The following CDCP1 variants were observed in gnomAD, a reference collection of about 807,000 sequenced individuals.
CDCP1 encodes CUB domain containing protein 1.
In CDCP1, 29 loss-of-function variants were observed where a neutral mutation model predicts 60.2. The observed-to-expected ratio is 0.48, with a 90% CI of 0.36 to 0.66. The LOEUF (loss-of-function observed/expected upper bound fraction) is 0.66. Among genes scored for constraint, CDCP1 ranks in the 30% least tolerant of loss-of-function variants. The pLI is 0.00. For synonymous variants in CDCP1, 387 were observed against 431.1 expected (o/e 0.90, Z 1.27); for missense variants, 876 against 1,074.3 (o/e 0.82, Z 2.58).
intron 4 of CDCP1, among the ~76,000 whole-genome samples, chr3:45,109,696 A>T (rs1445307574): frequency 6.6e-6 from 1 of 151,688 alleles, no homozygotes; most frequent in African/African-American, 2.4e-5. Context: ...GGAGGTGCTC[A>T]CTCTCAGGGG....
chr3:45,102,732 C>T (rs1698500856), intron 4 of CDCP1, among the ~76,000 whole-genome samples: 1 of 152,046 alleles, frequency 6.6e-6, no homozygotes, highest in African/African-American at 2.4e-5. Flanking sequence ...GAGTTTATGG[C>T]TCACTGCAGC....
chr3:45,128,976 C>G (rs551341305), intron 1 of CDCP1, among the ~76,000 whole-genome samples: 63 of 152,346 alleles, frequency 4.1e-4, no homozygotes, highest in African/African-American at 1.4e-3. Context: ...CTTAGCCTCC[C>G]AAAGTGCTGG....
chr3:45,090,114 G>A (rs1022550697), intron 7 of CDCP1, among the ~76,000 whole-genome samples: 4 of 152,140 alleles, frequency 2.6e-5, no homozygotes, highest in African/African-American at 9.7e-5. Flanking sequence ...GTGTGGAGAG[G>A]TTTTCACTTG....
chr3:45,110,380 G>A (rs1274845755), intron 4 of CDCP1, 93 bp downstream of exon 4: 87 of 1,514,438 alleles, frequency 5.7e-5, no homozygotes, highest in Non-Finnish European at 7.3e-5. Context: ...AGCCACAGAT[G>A]AGAAACAGGA....
chr3:45,146,103 G>T, intron 1 of CDCP1, 103 bp downstream of exon 1: 1 of 1,081,734 alleles, frequency 9.2e-7, no homozygotes, highest in Non-Finnish European at 1.3e-6. Flanking sequence ...CGCACCCTCC[G>T]CACCCTCCGC....
At chr3:45,108,008 C>T (rs1264131455) in intron 4 of CDCP1, among the ~76,000 whole-genome samples, 2 of 151,902 alleles carry the variant, frequency 1.3e-5, no homozygotes, top group East Asian at 1.9e-4. Context: ...ATCCCAGCTA[C>T]TCAAGAAGCT....
intron 5 of CDCP1, 117 bp from the exon 6 acceptor site, chr3:45,093,774 C>T (rs1263916472): frequency 1.7e-6 from 2 of 1,176,212 alleles, no homozygotes; most frequent in African/African-American, 1.5e-5. Context: ...TCCCTTCGGT[C>T]TCTCTTCTCC....
At chr3:45,116,238 T>TAAAAAAAA (rs141194206) in intron 2 of CDCP1, among the ~76,000 whole-genome samples, 2 of 135,408 alleles carry the variant, frequency 1.5e-5, no homozygotes, top group Non-Finnish European at 3.2e-5. Flanking sequence ...TACTGTTCTG[T>TAAAAAAAA]TAAAAAAAAA....
chr3:45,085,664 G>C lies in CDCP1; in HGVS notation c.2485C>G (p.Gln829Glu). 6.2e-7 allele frequency: 1 copy of C among 1,613,888 alleles called. No individual in the cohort carries two copies. Among genetic ancestry groups the C allele is most frequent in the Non-Finnish European group, 8.5e-7 (1 of 1,179,814 alleles). The stretch of plus-strand genomic sequence containing the variant: ...TATTCTGCTGGCTCCATGGGCTCCT[G>C]AGTGTTCAGTAAGGGAATGTCTGTG... ...KDTDIPLLNTQEPMEPAE is the reference protein window; with the variant it reads ...KDTDIPLLNTEEPMEPAE Residue 829 changes from glutamine (Q) to glutamate (E), a missense_variant, in exon 9 of 9, where the codon CAG becomes GAG. By Grantham distance (29) the Gln-to-Glu change is conservative. Transcript: ENST00000296129. The surrounding 1 kb of genome is among the most constrained non-coding windows in gnomAD (Gnocchi z 4.2).
intron 1 of CDCP1, among the ~76,000 whole-genome samples, chr3:45,145,567 G>A (rs1013519022): frequency 6.6e-6 from 1 of 152,200 alleles, no homozygotes; most frequent in Non-Finnish European, 1.5e-5. Context: ...TCTCTGCGGT[G>A]GCGCAGATGC....
chr3:45,085,051 T>A lies in CDCP1; in HGVS notation c.*587A>T, dbSNP rs1361180666. On this transcript the variant is annotated 3_prime_UTR_variant, in exon 9 of 9. Transcript: ENST00000296129. The surrounding 1 kb of genome is among the most constrained non-coding windows in gnomAD (Gnocchi z 4.2). ...CAGATTGTAAATTATTCCCACCACCTGGGGGACAGGCACACGTTTATCTAG... is the reference window on the plus strand; with the variant it reads ...CAGATTGTAAATTATTCCCACCACCAGGGGGACAGGCACACGTTTATCTAG... 1.3e-5 allele frequency: 2 copies of A among 152,454 alleles called. No individual in the cohort carries two copies. The highest frequency in any genetic ancestry group is 2.9e-5 in the Non-Finnish European group (2 of 68,168). The allele number at this position is 152,454 out of a possible 1,614,324, so 9.4% of individuals were successfully genotyped here. A position where few individuals can be genotyped will look rare whatever the true frequency, so the allele number is the denominator to read the frequency against.
intron 4 of CDCP1, among the ~76,000 whole-genome samples, chr3:45,103,423 T>C (rs1161171639): frequency 6.6e-6 from 1 of 152,234 alleles, no homozygotes; most frequent in African/African-American, 2.4e-5. Flanking sequence ...TTGACTTTTA[T>C]GGATAAGACT....
chr3:45,095,759 G>C (rs1269544910), intron 4 of CDCP1, among the ~76,000 whole-genome samples, 191 bp from the exon 5 acceptor site: 2 of 151,982 alleles, frequency 1.3e-5, no homozygotes, highest in Admixed American at 1.3e-4. Flanking sequence ...AAAAATAATG[G>C]ACTTCACTAC....
intron 2 of CDCP1, among the ~76,000 whole-genome samples, chr3:45,114,350 T>C (rs73089338): frequency 0.054 from 8,207 of 152,162 alleles, 318 homozygotes; most frequent in Non-Finnish European, 0.079. Context: ...GATGGAGAAG[T>C]ATTATTTCTG....
At chr3:45,108,454 T>C (rs1439182921) in intron 4 of CDCP1, among the ~76,000 whole-genome samples, 3 of 152,116 alleles carry the variant, frequency 2.0e-5, no homozygotes, top group Non-Finnish European at 4.4e-5. Flanking sequence ...GTTTAACAAT[T>C]TGATTAGTTT....
intron 1 of CDCP1, among the ~76,000 whole-genome samples, chr3:45,127,667 C>T (rs539871906): frequency 1.3e-5 from 2 of 152,314 alleles, no homozygotes; most frequent in South Asian, 4.1e-4. Flanking sequence ...AGCTGTAAAG[C>T]CTTTCATCCA....
chr3:45,100,298 T>A (rs1698468808), intron 4 of CDCP1, among the ~76,000 whole-genome samples: 1 of 152,226 alleles, frequency 6.6e-6, no homozygotes, highest in Admixed American at 6.5e-5. Flanking sequence ...GCTTAGTACC[T>A]CCACCTTCAG....
Position 45,112,746 on chromosome 3 carries a change from G to A in CDCP1, c.293-301C>T, listed in dbSNP as rs528588793. Among the ~76,000 whole-genome samples the A allele has an allele frequency of 2.6e-5, 4 of 152,322 alleles. No individual in the cohort carries two copies. The East Asian group carries it at 7.7e-4, about 29-fold the overall frequency. On this transcript the variant is annotated intron_variant, in intron 2 of 8. Transcript: ENST00000296129. ...GAGGTGCTGTCTACAGCCAATAATG[G>A]CCTCCTGCAGGAATTAAAAAGTCTG...
intron 4 of CDCP1, among the ~76,000 whole-genome samples, chr3:45,099,740 A>T (rs1698459429): frequency 1.3e-5 from 2 of 149,650 alleles, no homozygotes; most frequent in African/African-American, 4.9e-5. Flanking sequence ...AGCCCTTTTG[A>T]CTCTTTCATT....
Sources: gnomAD v4.1 joint callset for allele counts (sites outside exome capture counted in the v4.1 genomes callset) on GRCh38, gnomAD v4.1.1 for gene constraint, Gnocchi (gnomAD v3.1) non-coding constraint, MANE v1.5 for transcripts, NCBI Gene and HGNC (gene_info 2026-07-23, HGNC 2026-07-21) for gene names.